Variants in TBXAS1 observed in about 807,000 individuals in gnomAD.
TBXAS1 encodes thromboxane-A synthase.
A neutral mutation model predicts 60.7 loss-of-function variants in TBXAS1; 48 were observed. That is an observed-to-expected ratio of 0.79 (90% confidence interval 0.63 to 1.01). The LOEUF is 1.01. Among genes scored for constraint, TBXAS1 ranks in the 50% least tolerant of loss-of-function variants. TBXAS1 has a pLI of 0.00. For synonymous variants in TBXAS1, 287 were observed against 269.7 expected, an observed-to-expected ratio of 1.06 and a Z score of -0.63; for missense variants, 685 against 686.3, an observed-to-expected ratio of 1.00 and a Z score of 0.02.
chr7:139,887,630 T>C (rs1197778027), intron 3 of TBXAS1, among the ~76,000 whole-genome samples: 2 of 152,248 alleles, frequency 1.3e-5, no homozygotes, highest in Non-Finnish European at 2.9e-5. Flanking sequence ...CTGAGTAATA[T>C]TCCATTGTAA....
At chr7:139,915,729 A>G (rs1569513159) in intron 4 of TBXAS1, among the ~76,000 whole-genome samples, 1 of 152,264 alleles carries the variant, frequency 6.6e-6, no homozygotes, top group Non-Finnish European at 1.5e-5. Flanking sequence ...GCTCCCTGAC[A>G]TACAACAACA....
Position 139,996,610 on chromosome 7 carries a change from A to G in TBXAS1, c.1135-10481A>G, listed in dbSNP as rs75991191. ...CTGTGTTTCTCTCAGCCACTTAGGA[A>G]TGAAACCAGGGAATCCCTTTCATCT... is the stretch of plus-strand genomic sequence containing the variant. On this transcript the variant is annotated intron_variant, in intron 9 of 12. Coordinates refer to ENST00000448866, the MANE Select transcript of TBXAS1 (RefSeq NM_001061.7). 2.6e-3 allele frequency among the ~76,000 whole-genome samples: 392 copies of G among 152,322 alleles called. 1 individual carries two copies. The highest frequency in any genetic ancestry group is 8.6e-3 in the African/African-American group (359 of 41,562).
intron 4 of TBXAS1, among the ~76,000 whole-genome samples, chr7:139,794,839 T>G (rs1366745740): frequency 3.3e-5 from 5 of 151,002 alleles, no homozygotes; most frequent in South Asian, 2.1e-4. Context: ...ACAAAGGACA[T>G]GAACTCATCA....
chr7:139,821,463 G>A (rs574620883), intron 4 of TBXAS1, among the ~76,000 whole-genome samples: 3 of 152,220 alleles, frequency 2.0e-5, no homozygotes, highest in Non-Finnish European at 4.4e-5. Flanking sequence ...GTACAATGAT[G>A]TATAAAATAT....
chr7:139,947,547 C>T (rs577984816), intron 5 of TBXAS1, among the ~76,000 whole-genome samples: 74 of 152,248 alleles, frequency 4.9e-4, no homozygotes, highest in Non-Finnish European at 1.0e-3. Flanking sequence ...ACATGTATCC[C>T]AAAACTTAAA....
chr7:139,899,883 T>G (rs1804436146), intron 3 of TBXAS1, among the ~76,000 whole-genome samples: 1 of 152,166 alleles, frequency 6.6e-6, no homozygotes, highest in Non-Finnish European at 1.5e-5. Context: ...GATGACAGCA[T>G]GCTCACCACC....
intron 9 of TBXAS1, among the ~76,000 whole-genome samples, chr7:139,983,314 A>G (rs946079640): frequency 6.6e-6 from 1 of 152,242 alleles, no homozygotes; most frequent in Admixed American, 6.5e-5. Flanking sequence ...GTGACATAAG[A>G]AAAACATAGA....
chr7:139,872,835 A>G (rs543972750), intron 2 of TBXAS1, among the ~76,000 whole-genome samples: 22 of 152,224 alleles, frequency 1.4e-4, no homozygotes, highest in South Asian at 1.2e-3. Context: ...TCCATCTCTT[A>G]TCACTATCAA....
At chr7:139,904,310 T>C (rs1804802671) in intron 3 of TBXAS1, among the ~76,000 whole-genome samples, 1 of 152,128 alleles carries the variant, frequency 6.6e-6, no homozygotes, top group Non-Finnish European at 1.5e-5. Flanking sequence ...TCTATATGCC[T>C]GTTTTTATAC....
At chr7:139,858,363 A>G (rs776426593) in intron 1 of TBXAS1, among the ~76,000 whole-genome samples, 8 of 152,226 alleles carry the variant, frequency 5.3e-5, no homozygotes, top group Admixed American at 2.6e-4. Context: ...TTTGGGGGAC[A>G]TAATAAGTGG....
chr7:139,876,116 C>T lies in TBXAS1; in HGVS notation c.236+479C>T, dbSNP rs1189275779. 2.0e-5 allele frequency among the ~76,000 whole-genome samples: 3 copies of T among 152,304 alleles called. No homozygotes were observed. The South Asian group carries it at 6.2e-4, about 32-fold the overall frequency. The stretch of plus-strand genomic sequence containing the variant: ...GTGTAATTTATCACCCAATCCAGTT[C>T]CCTTTTGAAAGTGAAAGGAAGTGCT... On this transcript the variant is annotated intron_variant, in intron 3 of 12. Coordinates refer to ENST00000448866, the MANE Select transcript of TBXAS1 (RefSeq NM_001061.7).
Position 139,988,041 on chromosome 7 carries a change from A to G in TBXAS1, c.1135-19050A>G, listed in dbSNP as rs561984474. On this transcript the variant is annotated intron_variant, in intron 9 of 12. Transcript: ENST00000448866. ...TCACAGCATCCTATGGACTGGGCCA[A>G]AGTGGGCAGACATTGCAGTCCAGCC... Among the ~76,000 whole-genome samples the G allele has an allele frequency of 3.3e-5, 5 of 152,370 alleles. No homozygotes were observed. In the South Asian group the frequency reaches 1.0e-3, roughly 32 times the overall value.
chr7:139,809,180 GAACCA>G, intron 4 of TBXAS1, among the ~76,000 whole-genome samples: 2 of 150,724 alleles, frequency 1.3e-5, no homozygotes, highest in Admixed American at 6.7e-5. Flanking sequence ...TAGATAGATA[GAACCA>G]ATAGGAGATA....
chr7:139,879,716 C>A (rs1004717821), intron 3 of TBXAS1, among the ~76,000 whole-genome samples: 1 of 152,028 alleles, frequency 6.6e-6, no homozygotes, highest in African/African-American at 2.4e-5. Context: ...AGATGATAAA[C>A]CTTTATTAAT....
At chr7:139,883,491 A>G (rs976785883) in intron 3 of TBXAS1, among the ~76,000 whole-genome samples, 6 of 152,184 alleles carry the variant, frequency 3.9e-5, no homozygotes, top group Admixed American at 1.3e-4. Flanking sequence ...GACTACTGCT[A>G]TCTAAGTCTT....
At chr7:139,830,484 T>C (rs755268944) in intron 1 of TBXAS1, among the ~76,000 whole-genome samples, 1 of 152,210 alleles carries the variant, frequency 6.6e-6, no homozygotes, top group African/African-American at 2.4e-5. Flanking sequence ...TCTTGGAAAT[T>C]GGCTCTGAAA....
chr7:139,826,043 G>A (rs903247075), upstream of TBXAS1, among the ~76,000 whole-genome samples: 1 of 152,154 alleles, frequency 6.6e-6, no homozygotes, highest in African/African-American at 2.4e-5. Context: ...TGAGCATCTT[G>A]GTTATACATA....
chr7:139,937,198 G>A (rs1417503843), intron 5 of TBXAS1, among the ~76,000 whole-genome samples: 2 of 152,180 alleles, frequency 1.3e-5, no homozygotes, highest in Non-Finnish European at 2.9e-5. Context: ...AGGGGCTAAG[G>A]GGCTTCTTTA....
In TBXAS1 at chr7:140,015,602, C is replaced by T. The variant is rs1252562168; in HGVS notation, c.1227-121C>T. 1.1e-5 allele frequency: 13 copies of T among 1,205,432 alleles called. No individual in the cohort carries two copies. The East Asian group carries it at 2.8e-4, about 26-fold the overall frequency. The allele number at this position is 1,205,432 out of a possible 1,614,324, so 74.7% of individuals were successfully genotyped here. ...GGGGTCCTCTGTCCCCAGCCTCATTCCACACACCATGCTGCCTGCCCCTGA... is the reference window on the plus strand; with the variant it reads ...GGGGTCCTCTGTCCCCAGCCTCATTTCACACACCATGCTGCCTGCCCCTGA... On this transcript the variant is annotated intron_variant, in intron 10 of 12. Coordinates refer to ENST00000448866, the MANE Select transcript of TBXAS1 (RefSeq NM_001061.7).
Sources: allele counts gnomAD v4.1 joint callset (sites outside exome capture counted in the v4.1 genomes callset), GRCh38; gene constraint gnomAD v4.1.1; transcripts MANE v1.5; gene names NCBI Gene and HGNC (gene_info 2026-07-23, HGNC 2026-07-21).